The following HDAC9 variants were observed in gnomAD, a reference collection of about 807,000 sequenced individuals.
HDAC9 encodes the protein histone deacetylase 9.
In HDAC9, 41 loss-of-function variants were observed where a neutral mutation model predicts 139.4. That is an observed-to-expected ratio of 0.29 (90% CI 0.23 to 0.38). HDAC9 has a LOEUF of 0.38. HDAC9 is among the 10% of genes least tolerant of loss of function. The pLI is 1.00. For missense variants in HDAC9, 1,147 were observed against 1,297.0 expected (o/e 0.88, Z 1.78); for synonymous variants, 517 against 476.2 (o/e 1.09, Z -1.12).
At chr7:18,774,772 G>A (rs565820596) in intron 16 of HDAC9, among the ~76,000 whole-genome samples, 3 of 152,078 alleles carry the variant, frequency 2.0e-5, no homozygotes, top group African/African-American at 7.2e-5. Flanking sequence ...CACTTTCTTA[G>A]CATTTGTGTG....
At chr7:18,119,729 G>T (rs1020211757) in intron 1 of HDAC9, among the ~76,000 whole-genome samples, 1 of 152,212 alleles carries the variant, frequency 6.6e-6, no homozygotes, top group Non-Finnish European at 1.5e-5. Flanking sequence ...CTGAAAGTAA[G>T]TGTGTCAGTT....
intron 1 of HDAC9, among the ~76,000 whole-genome samples, chr7:18,312,576 C>G (rs1212090344): frequency 1.3e-5 from 2 of 150,718 alleles, no homozygotes; most frequent in African/African-American, 4.9e-5. Context: ...TCTTGCAAGC[C>G]TGATTATTTT....
Position 18,249,147 on chromosome 7 carries a change from T to G in HDAC9, c.25+86798T>G, listed in dbSNP as rs1794749895. On this transcript the variant is annotated intron_variant, in intron 2 of 12. Transcript: ENST00000417496. ...TATTCTTTACATTTTCATATTTTGGTATATATTTTCTTAAAACAAGAAAAA... is the reference window on the plus strand; with the variant it reads ...TATTCTTTACATTTTCATATTTTGGGATATATTTTCTTAAAACAAGAAAAA... 4.6e-5 allele frequency among the ~76,000 whole-genome samples: 7 copies of G among 152,334 alleles called. No homozygotes were observed. In the South Asian group the frequency reaches 1.4e-3, roughly 32 times the overall value.
In HDAC9 at chr7:18,995,756, CAT is replaced by C. The variant is rs151258066; in HGVS notation, c.3171-266_3171-265del. 3.2e-3 allele frequency among the ~76,000 whole-genome samples: 488 copies of C among 152,242 alleles called. 7 individuals are homozygous for C. The highest frequency in any genetic ancestry group is 0.011 in the African/African-American group (452 of 41,548). ...TTATTGAACTGTACTAGACACCAAA[CAT>C]GTACATTTTGGAATCTAGAGTTATA... On this transcript the variant is annotated intron_variant, in intron 25 of 25. Transcript: ENST00000686413.
intron 1 of HDAC9, among the ~76,000 whole-genome samples, chr7:18,370,388 G>A (rs1260934429): frequency 6.6e-6 from 1 of 152,092 alleles, no homozygotes; most frequent in Non-Finnish European, 1.5e-5. Context: ...AATTTAGAGG[G>A]TGGCTGGAAA....
Position 18,762,281 on chromosome 7 carries a change from T to C in HDAC9, c.2164+4T>C, listed in dbSNP as rs754336518. Reference sequence around the variant, plus strand: ...CTGGACCCCAGGATACTCCTAGGTCTGTACGGGCCTCCACTGTACTGGGAA... The same window carrying C: ...CTGGACCCCAGGATACTCCTAGGTCCGTACGGGCCTCCACTGTACTGGGAA... On this transcript the variant is annotated splice_donor_region_variant and intron_variant, in intron 15 of 25. Coordinates refer to ENST00000686413, the MANE Select transcript of HDAC9 (RefSeq NM_178425.4). The C allele has an allele frequency of 6.2e-7, 1 of 1,613,318 alleles. No individual in the cohort carries two copies. Among genetic ancestry groups the C allele is most frequent in the Non-Finnish European group, 8.5e-7 (1 of 1,179,504 alleles).
At chr7:18,877,469 C>A (rs79803519) in intron 22 of HDAC9, among the ~76,000 whole-genome samples, 1 of 152,118 alleles carries the variant, frequency 6.6e-6, no homozygotes, top group South Asian at 2.1e-4. Context: ...GATACACAAC[C>A]AAGTTCTTCT....
chr7:18,351,937 A>C (rs1469889396), intron 1 of HDAC9, among the ~76,000 whole-genome samples: 2 of 152,214 alleles, frequency 1.3e-5, no homozygotes, highest in African/African-American at 4.8e-5. Context: ...GACAATATAC[A>C]AGGTTATCCA....
At chr7:18,474,956 T>C (rs1385401760) in intron 1 of HDAC9, among the ~76,000 whole-genome samples, 3 of 152,170 alleles carry the variant, frequency 2.0e-5, no homozygotes, top group Non-Finnish European at 4.4e-5. Context: ...TGATGTCACT[T>C]ATTGGGAAGC....
chr7:18,760,995 G>C (rs1467407532), intron 14 of HDAC9, among the ~76,000 whole-genome samples: 1 of 152,198 alleles, frequency 6.6e-6, no homozygotes, highest in East Asian at 1.9e-4. Flanking sequence ...CCTTGGTCAG[G>C]AACATGAAAG....
intron 6 of HDAC9, among the ~76,000 whole-genome samples, chr7:18,627,278 A>T (rs2188320): frequency 3.3e-5 from 5 of 151,894 alleles, no homozygotes; most frequent in Non-Finnish European, 5.9e-5. Context: ...ATGGACTGCC[A>T]GTTTGCAGCA....
intron 1 of HDAC9, among the ~76,000 whole-genome samples, chr7:18,103,220 A>G (rs994279608): frequency 5.9e-5 from 9 of 152,184 alleles, no homozygotes; most frequent in East Asian, 3.9e-4. Flanking sequence ...ACATGATTCA[A>G]TTATCTCCAC....
Position 18,689,243 on chromosome 7 carries a change from T to TCG in HDAC9, c.1731+22767_1731+22768insCG. On this transcript the variant is annotated intron_variant, in intron 12 of 25. Transcript: ENST00000686413. ...TTATTGCAACTTCCAAATGAATACA[T>TCG]TATTTCCCTCCCACCGTAGGATAAA... Among the ~76,000 whole-genome samples the TCG allele has an allele frequency of 2.5e-5, 3 of 120,664 alleles. No individual in the cohort carries two copies. The Middle Eastern group carries it at 0.011, about 461-fold the overall frequency. The allele number at this position is 120,664 out of a possible 152,430, so 79.2% of individuals were successfully genotyped here. A position where few individuals can be genotyped will look rare whatever the true frequency, so the allele number is the denominator to read the frequency against.
chr7:18,852,184 C>T (rs906115038), intron 21 of HDAC9, among the ~76,000 whole-genome samples: 2 of 152,144 alleles, frequency 1.3e-5, no homozygotes, highest in Non-Finnish European at 2.9e-5. Context: ...GAGCTAGTTG[C>T]TGTGGAGAAA....
rs79298137 is a variant in HDAC9 at position 18,855,659 on chromosome 7, T to G, written c.2685-18819T>G. On this transcript the variant is annotated intron_variant, in intron 21 of 25. Transcript: ENST00000686413. ...ATTTAGGCTGTGGTTGTTAGCCCCT[T>G]ATTTTTCTGCTTGCCGTTCTGTCAG... is the stretch of plus-strand genomic sequence containing the variant. Among the ~76,000 whole-genome samples the G allele has an allele frequency of 1.7e-3, 266 of 152,078 alleles. 1 individual carries two copies. Among genetic ancestry groups the G allele is most frequent in the African/African-American group, 6.0e-3 (250 of 41,514 alleles).
At chr7:18,660,980 A>G (rs2129060508) in intron 11 of HDAC9, among the ~76,000 whole-genome samples, 1 of 152,234 alleles carries the variant, frequency 6.6e-6, no homozygotes, top group African/African-American at 2.4e-5. Flanking sequence ...TGTTACCTAA[A>G]TTATATTTTA....
intron 2 of HDAC9, among the ~76,000 whole-genome samples, chr7:18,167,226 G>C (rs182988620): frequency 4.0e-5 from 6 of 150,378 alleles, no homozygotes; most frequent in Admixed American, 3.3e-4. Flanking sequence ...TAACTTCACA[G>C]TTAAGTGATT....
At chr7:18,243,668 C>A (rs994038391) in intron 2 of HDAC9, among the ~76,000 whole-genome samples, 1 of 152,252 alleles carries the variant, frequency 6.6e-6, no homozygotes, top group Non-Finnish European at 1.5e-5. Flanking sequence ...TCCTCTCCCC[C>A]ACTGCCACCT....
chr7:18,514,467 C>T (rs543656847), intron 2 of HDAC9, among the ~76,000 whole-genome samples: 146 of 152,178 alleles, frequency 9.6e-4, no homozygotes, highest in African/African-American at 3.1e-3. Context: ...TTTAAAAATT[C>T]GGACTTATTT....
Sources: gnomAD v4.1 joint callset for allele counts (sites outside exome capture counted in the v4.1 genomes callset) on GRCh38, gnomAD v4.1.1 for gene constraint, MANE v1.5 for transcripts, NCBI Gene and HGNC (gene_info 2026-07-23, HGNC 2026-07-21) for gene names.